The following NPHP4 variants were observed in gnomAD, a reference collection of about 807,000 sequenced individuals.
NPHP4 encodes nephrocystin 4.
Under a neutral mutation model 155.8 loss-of-function variants are expected in NPHP4, and 151 were observed. The ratio of observed to expected loss-of-function variants is 0.97; its 90% confidence interval spans 0.85 to 1.11. The LOEUF (loss-of-function observed/expected upper bound fraction) is 1.11. NPHP4 is among the 50% of genes least tolerant of loss of function. The probability of loss-of-function intolerance (pLI) is 0.00; values close to 1 mark genes in which losing one functional copy is unlikely to be tolerated. For missense variants in NPHP4, 1,956 were observed against 1,925.7 expected (o/e 1.02, Z -0.29); for synonymous variants, 845 against 816.8 (o/e 1.03, Z -0.59).
chr1:5,919,749 T>TC, intron 11 of NPHP4, among the ~76,000 whole-genome samples: 1 of 152,128 alleles, frequency 6.6e-6, no homozygotes, highest in East Asian at 1.9e-4. Context: ...TTTTTTGTTT[T>TC]TTTTTTTAGA....
chr1:5,896,555 T>C (rs1323991292), intron 16 of NPHP4, among the ~76,000 whole-genome samples: 1 of 152,118 alleles, frequency 6.6e-6, no homozygotes, highest in Non-Finnish European at 1.5e-5. Flanking sequence ...AAATACATGA[T>C]GAGAAACCAT....
Position 5,880,142 on chromosome 1 carries a change from G to A in NPHP4, c.2583C>T (p.Gly861=). The A allele has an allele frequency of 6.2e-7, 1 of 1,613,702 alleles. No homozygotes were observed. Residue 861 remains glycine (G), a synonymous_variant, in exon 19 of 30, where the codon GGC becomes GGT. Coordinates refer to ENST00000378156, the MANE Select transcript of NPHP4 (RefSeq NM_015102.5). ...SNDGASRFSG[G]SLLTTGSSRR... is the part of the protein sequence containing the mutation. ...TTGAGCTTCCAGTCGTGAGGAGGCT[G>A]CCTCCAGAGAAGCGGCTGGCTCCAT...
intron 5 of NPHP4, among the ~76,000 whole-genome samples, chr1:5,966,423 T>G (rs1359142768): frequency 1.3e-5 from 2 of 152,102 alleles, no homozygotes; most frequent in Non-Finnish European, 2.9e-5. Flanking sequence ...ATTTTTGTAT[T>G]TTTTATAGAG....
chr1:5,887,258 G>T, intron 18 of NPHP4, 28 bp downstream of exon 18: 3 of 1,597,104 alleles, frequency 1.9e-6, no homozygotes, highest in Non-Finnish European at 2.6e-6. Context: ...GGCCGCTGGA[G>T]AAATGGCACA....
At chr1:5,964,941 A>ATATATTTTTTTTTTTTTTTTTTTTTTT in intron 5 of NPHP4, among the ~76,000 whole-genome samples, 1 of 59,416 alleles carries the variant, frequency 1.7e-5, no homozygotes, top group Admixed American at 2.3e-4. Context: ...ATATATATAT[A>ATATATTTTTTTTTTTTTTTTTTTTTTT]TTTTTTTTTT....
Position 5,863,888 on chromosome 1 carries a change from A to C in NPHP4, c.4140+2T>G. 1.2e-6 allele frequency: 2 copies of C among 1,612,894 alleles called. No homozygotes were observed. The highest frequency in any genetic ancestry group is 1.7e-6 in the Non-Finnish European group (2 of 1,179,546). On this transcript the variant is annotated splice_donor_variant, in intron 29 of 29. Coordinates refer to ENST00000378156, the MANE Select transcript of NPHP4 (RefSeq NM_015102.5). LOFTEE classifies it high-confidence loss of function. ...GGAGTCCCAGGCACAGCCCCACCAC[A>C]CCTGGAAGGAGTCCTCTCTGAACCG...
intron 11 of NPHP4, among the ~76,000 whole-genome samples, chr1:5,920,390 T>C (rs751667892): frequency 2.6e-5 from 4 of 152,136 alleles, no homozygotes; most frequent in African/African-American, 4.8e-5. Flanking sequence ...CATCAAAGAC[T>C]CTGGGGTCCA....
In NPHP4 at chr1:5,905,144, A is replaced by G; in HGVS notation, c.1955+148T>C. The G allele has an allele frequency of 1.4e-6, 1 of 696,440 alleles. No individual in the cohort carries two copies. The highest frequency in any genetic ancestry group is 1.8e-5 in the South Asian group (1 of 56,454). 43.1% of individuals were successfully genotyped at this position (696,440 alleles called of 1,614,324 possible). A position where few individuals can be genotyped will look rare whatever the true frequency, so the allele number is the denominator to read the frequency against. ...ATTTAGCATGCTGTGGGTGGGTCCTAGCCAAGAGAAGATAAAAACAGATGG... is the reference window on the plus strand; with the variant it reads ...ATTTAGCATGCTGTGGGTGGGTCCTGGCCAAGAGAAGATAAAAACAGATGG... On this transcript the variant is annotated intron_variant, in intron 15 of 29. Transcript: ENST00000378156. This position sits in a 1 kb window ranked among gnomAD's most constrained non-coding sequence, Gnocchi z 4.0.
At chr1:5,863,823 G>A (rs1173826220) in intron 29 of NPHP4, 67 bp downstream of exon 29, 2 of 1,553,352 alleles carry the variant, frequency 1.3e-6, no homozygotes, top group East Asian at 4.5e-5. Flanking sequence ...CCTAAATGCA[G>A]GCTAACTGCC....
chr1:5,912,549 A>C (rs1048971768), intron 11 of NPHP4, among the ~76,000 whole-genome samples: 1 of 101,124 alleles, frequency 9.9e-6, no homozygotes, highest in East Asian at 2.2e-4. Context: ...AAAAAAAAAA[A>C]AAAAAAGAAA....
chr1:5,979,949 C>T (rs924582278), intron 2 of NPHP4, among the ~76,000 whole-genome samples: 2 of 152,128 alleles, frequency 1.3e-5, no homozygotes, highest in Non-Finnish European at 2.9e-5. Flanking sequence ...GACATGAAAA[C>T]CAACCCGTCC....
intron 11 of NPHP4, among the ~76,000 whole-genome samples, chr1:5,917,512 C>T (rs1645537858): frequency 6.6e-6 from 1 of 152,174 alleles, no homozygotes; most frequent in African/African-American, 2.4e-5. Context: ...AGCTCTACCT[C>T]TAGGCTTTTC....
intron 2 of NPHP4, among the ~76,000 whole-genome samples, chr1:5,983,776 A>C (rs1260181126): frequency 6.6e-6 from 1 of 152,176 alleles, no homozygotes; most frequent in Non-Finnish European, 1.5e-5. Flanking sequence ...TGTCTTTATG[A>C]GGTGCCCCTT....
rs765460065 is a variant in NPHP4, at chr1:5,909,151, C to T, written c.1503+1G>A. On this transcript the variant is annotated splice_donor_variant, in intron 12 of 29. Coordinates refer to ENST00000378156, the MANE Select transcript of NPHP4 (RefSeq NM_015102.5). LOFTEE classifies it high-confidence loss of function. ...GGAGGCCGTGGGGGGCCTGGACTTACCCCTGGTCCCACAGGTGAGTTCTGC... is the reference window on the plus strand; with the variant it reads ...GGAGGCCGTGGGGGGCCTGGACTTATCCCTGGTCCCACAGGTGAGTTCTGC... The T allele has an allele frequency of 1.3e-6, 2 of 1,595,908 alleles. No individual in the cohort carries two copies. The highest frequency in any genetic ancestry group is 1.7e-6 in the Non-Finnish European group (2 of 1,171,072).
chr1:5,934,286 C>T (rs868061178), intron 9 of NPHP4, among the ~76,000 whole-genome samples: 29 of 152,130 alleles, frequency 1.9e-4, no homozygotes, highest in African/African-American at 6.5e-4. Flanking sequence ...ACAGCGGGTC[C>T]GACCAGGAGC....
rs539439710 is a variant in NPHP4, at chr1:5,968,328, A to G, written c.452+759T>C. 4.9e-4 allele frequency among the ~76,000 whole-genome samples: 75 copies of G among 152,274 alleles called. No individual in the cohort carries two copies. The Middle Eastern group carries it at 0.014, about 28-fold the overall frequency. ...TTAGAAATGGCAAACCCAGCCGGAC[A>G]CAGCGGCTCACGTCTGTAATCCCAA... On this transcript the variant is annotated intron_variant, in intron 4 of 29. Coordinates refer to ENST00000378156, the MANE Select transcript of NPHP4 (RefSeq NM_015102.5).
intron 17 of NPHP4, chr1:5,888,452 C>T (rs1352706895): frequency 1.6e-5 from 18 of 1,158,490 alleles, no homozygotes; most frequent in Admixed American, 4.0e-5. Context: ...GGGAGTGAGA[C>T]GCCAGACCTG....
chr1:5,889,357 C>G lies in NPHP4; in HGVS notation c.2304+1511G>C, dbSNP rs901547073. On this transcript the variant is annotated intron_variant, in intron 17 of 29. Coordinates refer to ENST00000378156, the MANE Select transcript of NPHP4 (RefSeq NM_015102.5). This position sits in a 1 kb window ranked among gnomAD's most constrained non-coding sequence, Gnocchi z 4.2. ...ATTCTCTCTGATCATCTCAGTTTTT[C>G]ACGTTTTCTACCTAAGTTTTAAAGT... Among the ~76,000 whole-genome samples the G allele has an allele frequency of 6.6e-6, 1 of 152,228 alleles. No individual in the cohort carries two copies. The highest frequency in any genetic ancestry group is 1.5e-5 in the Non-Finnish European group (1 of 68,046).
Position 5,874,565 on chromosome 1 carries a change from C to G in NPHP4, c.3137G>C (p.Ser1046Thr). The change falls in exon 22 of 30, where the codon AGC (serine) becomes ACC (threonine). Residue 1046 changes from serine (S) to threonine (T), a missense_variant. Ser to Thr is a moderately conservative substitution (Grantham distance 58). Coordinates refer to ENST00000378156, the MANE Select transcript of NPHP4 (RefSeq NM_015102.5). ...GCGCAGGTAGAGCTGGGGGGCCAGGCTGCCACGCAGGTGGAACATGTCCTC... is the reference window on the plus strand; with the variant it reads ...GCGCAGGTAGAGCTGGGGGGCCAGGGTGCCACGCAGGTGGAACATGTCCTC... ...VEEDMFHLRG[S>T]LAPQLYLRPH... is the part of the protein sequence containing the mutation. 1 of 1,607,420 alleles carries G rather than the reference C, an allele frequency of 6.2e-7. No individual in the cohort carries two copies. The highest frequency in any genetic ancestry group is 8.5e-7 in the Non-Finnish European group (1 of 1,177,526).
Sources: gnomAD v4.1 joint callset for allele counts (sites outside exome capture counted in the v4.1 genomes callset) on GRCh38, gnomAD v4.1.1 for gene constraint, Gnocchi (gnomAD v3.1) non-coding constraint, MANE v1.5 for transcripts, NCBI Gene and HGNC (gene_info 2026-07-23, HGNC 2026-07-21) for gene names.